The following MACROD2 variants were observed in gnomAD, a reference collection of about 807,000 sequenced individuals.
MACROD2 encodes the protein mono-ADP ribosylhydrolase 2.
In MACROD2, 36 loss-of-function variants were observed where a neutral mutation model predicts 70.4. That is an observed-to-expected ratio of 0.51 (90% CI 0.39 to 0.68). The LOEUF (loss-of-function observed/expected upper bound fraction) is 0.68, where lower values mean the gene tolerates loss of function less well. Ranked by LOEUF, MACROD2 falls within the 30% of genes least tolerant of loss-of-function variation. MACROD2 has a pLI of 0.00. For missense variants in MACROD2, 496 were observed against 538.4 expected (o/e 0.92, Z 0.78); for synonymous variants, 172 against 178.8 (o/e 0.96, Z 0.30).
intron 5 of MACROD2, among the ~76,000 whole-genome samples, chr20:14,800,653 A>G (rs1004466782): frequency 2.6e-5 from 4 of 152,148 alleles, no homozygotes; most frequent in Admixed American, 6.5e-5. Context: ...GTTAATTAAA[A>G]TAAGTCCTTT....
intron 3 of MACROD2, among the ~76,000 whole-genome samples, chr20:14,264,722 G>A (rs1219519139): frequency 1.3e-5 from 2 of 152,160 alleles, no homozygotes; most frequent in African/African-American, 4.8e-5. Context: ...ATTTCCTTAT[G>A]AGAAGGCCAG....
intron 8 of MACROD2, among the ~76,000 whole-genome samples, chr20:15,639,111 C>T (rs1286816004): frequency 6.6e-6 from 1 of 151,614 alleles, no homozygotes; most frequent in Non-Finnish European, 1.5e-5. Flanking sequence ...GTGGAAGGAA[C>T]ACTGTTACAA....
At chr20:14,127,151 C>T (rs1270118248) in intron 3 of MACROD2, among the ~76,000 whole-genome samples, 1 of 152,184 alleles carries the variant, frequency 6.6e-6, no homozygotes, top group Non-Finnish European at 1.5e-5. Flanking sequence ...CCAGTGAACA[C>T]ATGAATAGTA....
chr20:15,019,976 A>C (rs1203397457), intron 5 of MACROD2, among the ~76,000 whole-genome samples: 5 of 152,190 alleles, frequency 3.3e-5, no homozygotes, highest in African/African-American at 9.7e-5. Flanking sequence ...AAAAGGATGA[A>C]ATCATTTTTG....
At chr20:14,748,019 C>G (rs1271397227) in intron 5 of MACROD2, among the ~76,000 whole-genome samples, 1 of 152,092 alleles carries the variant, frequency 6.6e-6, no homozygotes, top group Admixed American at 6.5e-5. Context: ...ATATACCTGT[C>G]TAAGGAAACC....
intron 5 of MACROD2, among the ~76,000 whole-genome samples, chr20:14,915,066 T>A (rs2074074870): frequency 6.6e-6 from 1 of 152,206 alleles, no homozygotes; most frequent in Non-Finnish European, 1.5e-5. Context: ...GTTTTTAAGA[T>A]CTCTTTCTAA....
chr20:14,628,381 A>G (rs1356635171), intron 4 of MACROD2, among the ~76,000 whole-genome samples: 1 of 152,176 alleles, frequency 6.6e-6, no homozygotes, highest in Non-Finnish European at 1.5e-5. Flanking sequence ...ATCATGTAGT[A>G]GCAGAGGACA....
chr20:14,760,293 A>C (rs867304800), intron 5 of MACROD2, among the ~76,000 whole-genome samples: 26 of 152,060 alleles, frequency 1.7e-4, no homozygotes, highest in Non-Finnish European at 1.5e-4. Context: ...GGGTGTTTGC[A>C]ATCTTGGAAG....
At chr20:15,875,644 A>G (rs542790511) in intron 9 of MACROD2, among the ~76,000 whole-genome samples, 36 of 152,002 alleles carry the variant, frequency 2.4e-4, no homozygotes, top group African/African-American at 8.7e-4. Context: ...GACAGAAAGC[A>G]ATCTGTCCCT....
intron 4 of MACROD2, among the ~76,000 whole-genome samples, chr20:14,668,621 T>C (rs2123554392): frequency 1.3e-5 from 2 of 152,308 alleles, no homozygotes; most frequent in East Asian, 3.9e-4. Context: ...AAATCATATC[T>C]CAACCTATTA....
chr20:14,422,546 C>T (rs1396459403), intron 3 of MACROD2, among the ~76,000 whole-genome samples: 2 of 151,530 alleles, frequency 1.3e-5, no homozygotes, highest in African/African-American at 4.9e-5. Context: ...GCTTTGATTC[C>T]TTTATTATTT....
At chr20:14,747,362 A>T (rs1274192097) in intron 5 of MACROD2, among the ~76,000 whole-genome samples, 1 of 152,208 alleles carries the variant, frequency 6.6e-6, no homozygotes, top group African/African-American at 2.4e-5. Flanking sequence ...ATAGAGGCAG[A>T]GGAGAATGAA....
intron 5 of MACROD2, among the ~76,000 whole-genome samples, chr20:14,731,009 A>ACACACACG (rs1555822607): frequency 2.8e-5 from 3 of 106,708 alleles, no homozygotes; most frequent in African/African-American, 1.0e-4. Flanking sequence ...ACACACACAC[A>ACACACACG]TGCACACACA....
intron 17 of MACROD2, among the ~76,000 whole-genome samples, chr20:16,046,060 G>A (rs2067376178): frequency 6.6e-6 from 1 of 152,036 alleles, no homozygotes; most frequent in Non-Finnish European, 1.5e-5. Flanking sequence ...CACAAATAAT[G>A]TGTTGACACC....
At chr20:15,000,522 C>T (rs1047321474) in intron 5 of MACROD2, among the ~76,000 whole-genome samples, 1 of 140,654 alleles carries the variant, frequency 7.1e-6, no homozygotes, top group African/African-American at 2.9e-5. Context: ...ACTGGGGAGG[C>T]TGAGGCAGGA....
intron 5 of MACROD2, among the ~76,000 whole-genome samples, chr20:14,836,417 G>T (rs995562842): frequency 2.0e-5 from 3 of 152,152 alleles, no homozygotes; most frequent in African/African-American, 7.2e-5. Flanking sequence ...CTCAGGGAAG[G>T]ATGCTGGGAA....
chr20:15,295,984 A>G lies in MACROD2; in HGVS notation c.540+65923A>G, dbSNP rs529596533. Among the ~76,000 whole-genome samples, 7 of 152,298 alleles carry G rather than the reference A, an allele frequency of 4.6e-5. No individual in the cohort carries two copies. In the South Asian group the frequency reaches 1.2e-3, roughly 27 times the overall value. ...CCCTCTCCAGCATGAGCACAATCCT[A>G]TAAAATCCCCAGCAAGCTTTTGTCT... On this transcript the variant is annotated intron_variant, in intron 6 of 17. Coordinates refer to ENST00000684519, the MANE Select transcript of MACROD2 (RefSeq NM_001351661.2).
At chr20:15,981,471 G>T (rs1206356230) in intron 13 of MACROD2, among the ~76,000 whole-genome samples, 1 of 152,038 alleles carries the variant, frequency 6.6e-6, no homozygotes, top group Non-Finnish European at 1.5e-5. Flanking sequence ...ATTCTTTTGG[G>T]CTGAGAATCC....
chr20:14,189,606 C>G (rs1472867830), intron 3 of MACROD2, among the ~76,000 whole-genome samples: 1 of 152,060 alleles, frequency 6.6e-6, no homozygotes, highest in Admixed American at 6.5e-5. Flanking sequence ...TGCATAATTT[C>G]AAGGGATAGC....
Sources: allele counts gnomAD v4.1 joint callset (sites outside exome capture counted in the v4.1 genomes callset), GRCh38; gene constraint gnomAD v4.1.1; transcripts MANE v1.5; gene names NCBI Gene and HGNC (gene_info 2026-07-23, HGNC 2026-07-21).